LNPK: variants seen among roughly 807,000 people sequenced by gnomAD.
The protein encoded by LNPK is lunapark, ER junction formation factor, also known as endoplasmic reticulum junction formation protein lunapark.
In LNPK, 29 loss-of-function variants were observed where a neutral mutation model predicts 55.2. The observed-to-expected ratio is 0.53, with a 90% CI of 0.39 to 0.72. The LOEUF (loss-of-function observed/expected upper bound fraction) is 0.72. LNPK is among the 30% of genes least tolerant of loss of function. The pLI is 0.00. For synonymous variants in LNPK, 162 were observed against 168.2 expected, an observed-to-expected ratio of 0.96 and a Z score of 0.29; for missense variants, 467 against 494.8, an observed-to-expected ratio of 0.94 and a Z score of 0.53.
intron 4 of LNPK, among the ~76,000 whole-genome samples, chr2:175,981,551 A>T (rs568615247): frequency 6.6e-6 from 1 of 152,306 alleles, no homozygotes; most frequent in South Asian, 2.1e-4. Context: ...ACAAAGAAAA[A>T]GGAAACTAAA....
intron 4 of LNPK, among the ~76,000 whole-genome samples, chr2:175,989,017 C>T (rs1006164281): frequency 4.6e-5 from 7 of 152,260 alleles, no homozygotes; most frequent in East Asian, 1.9e-4. Flanking sequence ...TCTCGTGATC[C>T]GCCCGCCTGG....
chr2:175,934,778 A>T (rs1286596150), intron 12 of LNPK, among the ~76,000 whole-genome samples: 1 of 151,712 alleles, frequency 6.6e-6, no homozygotes, highest in Non-Finnish European at 1.5e-5. Flanking sequence ...CGTATTTAGT[A>T]TGCCCTCAAG....
chr2:175,990,987 A>C (rs1306771460), intron 4 of LNPK, among the ~76,000 whole-genome samples: 2 of 152,192 alleles, frequency 1.3e-5, no homozygotes, highest in Non-Finnish European at 2.9e-5. Flanking sequence ...CTGCTTCTAA[A>C]GAACAATTAG....
At chr2:175,974,967 T>G (rs1179485952) in intron 5 of LNPK, among the ~76,000 whole-genome samples, 1 of 151,796 alleles carries the variant, frequency 6.6e-6, no homozygotes, top group Non-Finnish European at 1.5e-5. Flanking sequence ...ACATTTGATT[T>G]CCTTAAAGAA....
chr2:175,927,154 A>G lies in LNPK; in HGVS notation c.*2813T>C, dbSNP rs12615252. ...AAATAAGAGAATAATAGTGTGATAT[A>G]TGAAAAGCCAAAAGAAAAAAAGTAT... On this transcript the variant is annotated 3_prime_UTR_variant, in exon 13 of 13. Transcript: ENST00000272748. 0.06 allele frequency: 9,182 copies of G among 152,302 alleles called. 354 individuals are homozygous for G. Among genetic ancestry groups the G allele is most frequent in the South Asian group, 0.098 (472 of 4,822 alleles). The allele number at this position is 152,302 out of a possible 1,614,324, so 9.4% of individuals were successfully genotyped here. A position where few individuals can be genotyped will look rare whatever the true frequency, so the allele number is the denominator to read the frequency against.
rs1688194685 is a variant in LNPK, at chr2:176,002,222, C to T, written c.-125G>A. The T allele has an allele frequency of 2.2e-6, 1 of 452,356 alleles. No individual in the cohort carries two copies. Among genetic ancestry groups the T allele is most frequent in the Non-Finnish European group, 4.4e-6 (1 of 225,822 alleles). 28.0% of individuals were successfully genotyped at this position (452,356 alleles called of 1,614,324 possible). ...CCCCGCCAGTCTCGGCCGCCACCGC[C>T]CAGCCTGCCTCCAGAGCAGGCAGCA... On this transcript the variant is annotated 5_prime_UTR_variant, in exon 1 of 13. Coordinates refer to ENST00000272748, the MANE Select transcript of LNPK (RefSeq NM_030650.3).
intron 5 of LNPK, among the ~76,000 whole-genome samples, chr2:175,974,448 TAC>T (rs1485886830): frequency 1.3e-5 from 2 of 152,176 alleles, no homozygotes; most frequent in Non-Finnish European, 2.9e-5. Context: ...GAGCACCACA[TAC>T]AGTCTGTCAC....
chr2:175,991,049 C>T (rs912903760), intron 4 of LNPK, among the ~76,000 whole-genome samples: 5 of 151,992 alleles, frequency 3.3e-5, no homozygotes, highest in African/African-American at 1.2e-4. Context: ...AATAGCAAAC[C>T]TAGATCATAG....
At chr2:175,993,654 G>A (rs1049904979) in intron 2 of LNPK, among the ~76,000 whole-genome samples, 6 of 151,966 alleles carry the variant, frequency 3.9e-5, no homozygotes, top group African/African-American at 1.2e-4. Context: ...TTAGCTGGGC[G>A]TGGTGGCATG....
At chr2:175,980,380 TA>T (rs1687114025) in intron 4 of LNPK, among the ~76,000 whole-genome samples, 1 of 152,070 alleles carries the variant, frequency 6.6e-6, no homozygotes, top group East Asian at 1.9e-4. Flanking sequence ...GAAGGAAAAA[TA>T]AACAAAAACC....
chr2:175,949,831 T>G (rs1038160137), intron 8 of LNPK, among the ~76,000 whole-genome samples: 1 of 152,118 alleles, frequency 6.6e-6, no homozygotes, highest in African/African-American at 2.4e-5. Context: ...ATATCTTCAA[T>G]AGTTCAAAAT....
At position 175,924,572 on chromosome 2, in the gene LNPK, T is replaced by C. The variant is rs1490416139; in HGVS notation, c.*5395A>G. On this transcript the variant is annotated 3_prime_UTR_variant, in exon 13 of 13. Coordinates refer to ENST00000272748, the MANE Select transcript of LNPK (RefSeq NM_030650.3). ...AATACAAATCATCCTGCATTAACAG[T>C]TGAGATCTAAGTTCTGGCTTGGCTC... The C allele has an allele frequency of 5.9e-5, 9 of 152,114 alleles. No homozygotes were observed. The East Asian group carries it at 1.3e-3, about 23-fold the overall frequency. 9.4% of individuals were successfully genotyped at this position (152,114 alleles called of 1,614,324 possible). A position where few individuals can be genotyped will look rare whatever the true frequency, so the allele number is the denominator to read the frequency against.
At chr2:175,999,792 C>T (rs866486931) in intron 1 of LNPK, among the ~76,000 whole-genome samples, 1 of 152,142 alleles carries the variant, frequency 6.6e-6, no homozygotes, top group African/African-American at 2.4e-5. Context: ...GACTGAGTCT[C>T]ACTCAGTCTG....
intron 1 of LNPK, among the ~76,000 whole-genome samples, chr2:175,996,867 T>C (rs970763422): frequency 8.5e-5 from 13 of 152,340 alleles, no homozygotes; most frequent in Admixed American, 8.5e-4. Flanking sequence ...CACAAATTTT[T>C]ATTCTTTTAA....
rs539543558 is a variant in LNPK at position 175,972,171 on chromosome 2, C to T, written c.317-1367G>A. Among the ~76,000 whole-genome samples, 28 of 152,228 alleles carry T rather than the reference C, an allele frequency of 1.8e-4. No individual in the cohort carries two copies. In the South Asian group the frequency reaches 5.6e-3, roughly 30 times the overall value. ...CCTCAGGTTATCCACCTGCCTTGGC[C>T]TCCCAAAGTGCTAGATTACAGGCAT... On this transcript the variant is annotated intron_variant, in intron 5 of 12. Coordinates refer to ENST00000272748, the MANE Select transcript of LNPK (RefSeq NM_030650.3).
intron 5 of LNPK, among the ~76,000 whole-genome samples, chr2:175,971,676 C>T (rs905033394): frequency 6.6e-6 from 1 of 152,088 alleles, no homozygotes; most frequent in Non-Finnish European, 1.5e-5. Flanking sequence ...GAAACACAAA[C>T]ATATAAAAAG....
chr2:175,940,763 A>G (rs2360058), intron 9 of LNPK, among the ~76,000 whole-genome samples: 1 of 152,140 alleles, frequency 6.6e-6, no homozygotes, highest in Admixed American at 6.6e-5. Flanking sequence ...ACTATATTTC[A>G]TATGTTTGAG....
chr2:175,941,790 CA>C (rs59162981), intron 9 of LNPK, among the ~76,000 whole-genome samples: 14,016 of 51,546 alleles, frequency 0.27, 244 homozygotes, highest in Non-Finnish European at 0.29. Flanking sequence ...GATTCCATCT[CA>C]AAAAAAAAAA....
At chr2:175,981,683 TGGAGATTGGATAACAGCAGAG>T (rs1687181205) in intron 4 of LNPK, among the ~76,000 whole-genome samples, 1 of 152,154 alleles carries the variant, frequency 6.6e-6, no homozygotes, top group Admixed American at 6.5e-5. Context: ...AGCAGTGAGC[TGGAGATTGGATAACAGCAGAG>T]GGAGTAAAGA....
Sources: gnomAD v4.1 joint callset for allele counts (sites outside exome capture counted in the v4.1 genomes callset) on GRCh38, gnomAD v4.1.1 for gene constraint, MANE v1.5 for transcripts, NCBI Gene and HGNC (gene_info 2026-07-23, HGNC 2026-07-21) for gene names.